Variants in GREB1 observed in about 807,000 individuals in gnomAD.
GREB1 encodes growth regulating estrogen receptor binding 1, also known as protein GREB1.
In GREB1, 106 loss-of-function variants were observed where a neutral mutation model predicts 200.7. The observed-to-expected ratio is 0.53, with a 90% CI of 0.45 to 0.62. The LOEUF is 0.62. Ranked by LOEUF, GREB1 falls within the 20% of genes least tolerant of loss-of-function variation. GREB1 has a pLI of 0.00. For synonymous variants in GREB1, 1,132 were observed against 1,092.4 expected, an observed-to-expected ratio of 1.04 and a Z score of -0.72; for missense variants, 2,243 against 2,556.8, an observed-to-expected ratio of 0.88 and a Z score of 2.65.
intron 5 of GREB1, among the ~76,000 whole-genome samples, chr2:11,577,255 A>G (rs1678962262): frequency 6.6e-6 from 1 of 152,184 alleles, no homozygotes; most frequent in Admixed American, 6.5e-5. Context: ...TGCCACCAGC[A>G]TCTGGGGTAG....
chr2:11,524,138 T>G (rs73189354), intron 1 of GREB1, among the ~76,000 whole-genome samples: 8,249 of 152,256 alleles, frequency 0.054, 823 homozygotes, highest in African/African-American at 0.19. Context: ...TATTAAACAC[T>G]TCAATATAAA....
chr2:11,640,207 C>A lies in GREB1; in HGVS notation c.5687-84C>A. On this transcript the variant is annotated intron_variant, in intron 32 of 32. Transcript: ENST00000381486. This position sits in a 1 kb window ranked among gnomAD's most constrained non-coding sequence, Gnocchi z 4.6. The stretch of plus-strand genomic sequence containing the variant: ...CCTTCCCAACAGCGCCCTGTCTTGT[C>A]ATTGCAAGTAGAATCCGGGCAGCCG... 1 of 1,367,738 alleles carries A rather than the reference C, an allele frequency of 7.3e-7. No homozygotes were observed. The highest frequency in any genetic ancestry group is 1.0e-6 in the Non-Finnish European group (1 of 1,000,502). 84.7% of individuals were successfully genotyped at this position (1,367,738 alleles called of 1,614,324 possible).
intron 4 of GREB1, among the ~76,000 whole-genome samples, chr2:11,567,345 G>A (rs147359087): frequency 0.034 from 5,101 of 152,154 alleles, 213 homozygotes; most frequent in East Asian, 0.18. Flanking sequence ...GGCTGGTCTC[G>A]AACTCCTGGC....
At chr2:11,584,780 G>A (rs541648603) in intron 7 of GREB1, 2 of 162,680 alleles carry the variant, frequency 1.2e-5, no homozygotes, top group East Asian at 1.8e-4. Context: ...ACAGCCGGGC[G>A]CGGTGGCGCG....
chr2:11,528,713 C>T (rs550393168), intron 1 of GREB1, among the ~76,000 whole-genome samples: 1 of 152,270 alleles, frequency 6.6e-6, no homozygotes, highest in African/African-American at 2.4e-5. Flanking sequence ...CCTGGGCAAA[C>T]TCCTTAATAC....
At chr2:11,584,070 A>G (rs909175705) in intron 7 of GREB1, among the ~76,000 whole-genome samples, 18 of 152,192 alleles carry the variant, frequency 1.2e-4, no homozygotes, top group South Asian at 6.2e-4. Context: ...ATCAAGAAGA[A>G]GCGTTGAGAT....
intron 22 of GREB1, 67 bp downstream of exon 22, chr2:11,618,986 G>A (rs1420569420): frequency 2.2e-6 from 3 of 1,372,790 alleles, no homozygotes; most frequent in Non-Finnish European, 1.9e-6. Flanking sequence ...CATCTGGAGG[G>A]CAGGCCTGGG....
At chr2:11,598,290 A>T (rs987680104) in intron 14 of GREB1, among the ~76,000 whole-genome samples, 1 of 152,228 alleles carries the variant, frequency 6.6e-6, no homozygotes, top group African/African-American at 2.4e-5. Flanking sequence ...GAGTACACAG[A>T]TGTCCGGTGT....
chr2:11,536,161 G>A (rs139929624), intron 1 of GREB1, among the ~76,000 whole-genome samples: 24 of 152,188 alleles, frequency 1.6e-4, no homozygotes, highest in Admixed American at 3.3e-4. Context: ...GCTCAGTTTC[G>A]GGAGGTCAGA....
At chr2:11,537,809 A>G (rs1470270569) in intron 1 of GREB1, among the ~76,000 whole-genome samples, 1 of 149,694 alleles carries the variant, frequency 6.7e-6, no homozygotes, top group Non-Finnish European at 1.5e-5. Flanking sequence ...ATGTATTTTA[A>G]TATATATGAT....
intron 1 of GREB1, among the ~76,000 whole-genome samples, chr2:11,504,075 G>T (rs923918143): frequency 6.6e-6 from 1 of 152,132 alleles, no homozygotes. Flanking sequence ...AGTGAATGTG[G>T]TTTCTCTCCT....
At chr2:11,584,356 G>A (rs1303768821) in intron 7 of GREB1, among the ~76,000 whole-genome samples, 3 of 152,186 alleles carry the variant, frequency 2.0e-5, no homozygotes, top group African/African-American at 7.2e-5. Context: ...TGGATGCGCT[G>A]CTCTGTACTT....
chr2:11,495,674 A>G (rs1672864180), intron 1 of GREB1, among the ~76,000 whole-genome samples: 1 of 152,144 alleles, frequency 6.6e-6, no homozygotes, highest in Non-Finnish European at 1.5e-5. Flanking sequence ...AGCTTGTCTG[A>G]GTCCACACAC....
intron 1 of GREB1, among the ~76,000 whole-genome samples, chr2:11,523,836 G>C (rs1217023321): frequency 6.6e-6 from 1 of 152,148 alleles, no homozygotes; most frequent in Non-Finnish European, 1.5e-5. Context: ...CATGATTTGG[G>C]GGTCTCCATC....
rs2148470432 is a variant in GREB1 at position 11,641,299 on chromosome 2, G to C, written c.*845G>C. The C allele has an allele frequency of 6.6e-6, 1 of 152,254 alleles. No individual in the cohort carries two copies. Among genetic ancestry groups the C allele is most frequent in the African/African-American group, 2.4e-5 (1 of 41,544 alleles). The allele number at this position is 152,254 out of a possible 1,614,324, so 9.4% of individuals were successfully genotyped here. A position where few individuals can be genotyped will look rare whatever the true frequency, so the allele number is the denominator to read the frequency against. Reference sequence around the variant, plus strand: ...GATGAGAACTAGACTTATGACTGTAGTTTACTAGAGTTTAGTTTTCAGTTG... The same window carrying C: ...GATGAGAACTAGACTTATGACTGTACTTTACTAGAGTTTAGTTTTCAGTTG... On this transcript the variant is annotated 3_prime_UTR_variant, in exon 33 of 33. Transcript: ENST00000381486.
intron 19 of GREB1, among the ~76,000 whole-genome samples, chr2:11,613,533 T>C (rs1201315676): frequency 1.3e-5 from 2 of 152,220 alleles, no homozygotes; most frequent in Admixed American, 1.3e-4. Flanking sequence ...GCAGTGGGCC[T>C]GGCTTCTTCC....
At chr2:11,638,952 CCAGG>C (rs1685598596) in intron 32 of GREB1, 143 bp downstream of exon 32, 1 of 819,782 alleles carries the variant, frequency 1.2e-6, no homozygotes, top group Non-Finnish European at 1.9e-6. Flanking sequence ...CCTCAGCCAC[CCAGG>C]GAAGTGCAAG....
upstream of GREB1, among the ~76,000 whole-genome samples, chr2:11,532,103 CA>C (rs1298790572): frequency 2.6e-5 from 4 of 152,114 alleles, no homozygotes; most frequent in Non-Finnish European, 5.9e-5. Context: ...TCAACATTAG[CA>C]AGAATAAAGT....
In GREB1 at chr2:11,637,752, T is replaced by C. The variant is rs773200873; in HGVS notation, c.5383T>C (p.Tyr1795His). The change falls in exon 31 of 33, where the codon TAC (tyrosine) becomes CAC (histidine). Residue 1795 changes from tyrosine to histidine, a missense_variant. Physicochemically the swap from Tyr to His is moderately conservative, Grantham distance 83. This residue lies in a region of GREB1 where 478 missense variants were observed against 616.3 expected (regional missense o/e 0.78). Transcript: ENST00000381486. Reference sequence around the variant, plus strand: ...CTCTGCCGCGGTCGTGCCGGCCCAGTACATCTGTGCCCCGGACAGCAAGCA... The same window carrying C: ...CTCTGCCGCGGTCGTGCCGGCCCAGCACATCTGTGCCCCGGACAGCAAGCA... ...DNSAAVVPAQ[Y>H]ICAPDSKHTF... 6.2e-7 allele frequency: 1 copy of C among 1,613,868 alleles called. No homozygotes were observed. The highest frequency in any genetic ancestry group is 8.5e-7 in the Non-Finnish European group (1 of 1,180,026).
Sources: gnomAD v4.1 joint callset for allele counts (sites outside exome capture counted in the v4.1 genomes callset) on GRCh38, gnomAD v4.1.1 for gene constraint, gnomAD v4.1.1 regional missense constraint, Gnocchi (gnomAD v3.1) non-coding constraint, MANE v1.5 for transcripts, NCBI Gene and HGNC (gene_info 2026-07-23, HGNC 2026-07-21) for gene names.